RAPGEF1: variants seen among roughly 807,000 people sequenced by gnomAD.
RAPGEF1 encodes the protein Rap guanine nucleotide exchange factor 1.
RAPGEF1 carries 33 observed loss-of-function variants against 143.3 expected under a neutral mutation model. The ratio of observed to expected loss-of-function variants is 0.23; its 90% CI spans 0.17 to 0.31. The LOEUF (loss-of-function observed/expected upper bound fraction) is 0.31, where lower values mean the gene tolerates loss of function less well. Among genes scored for constraint, RAPGEF1 ranks in the 10% least tolerant of loss-of-function variants. The pLI, the probability that RAPGEF1 is intolerant of heterozygous loss-of-function variation, is 1.00. For missense variants in RAPGEF1, 1,199 were observed against 1,645.4 expected (o/e 0.73, Z 4.69); for synonymous variants, 629 against 676.5 (o/e 0.93, Z 1.09).
At chr9:131,673,606 T>C (rs139946319) in intron 1 of RAPGEF1, among the ~76,000 whole-genome samples, 404 of 152,344 alleles carry the variant, frequency 2.7e-3, no homozygotes, top group African/African-American at 9.3e-3. Flanking sequence ...CTGAGGACCC[T>C]GTGACCCAAA....
chr9:131,585,124 A>C (rs1391226687), intron 22 of RAPGEF1, among the ~76,000 whole-genome samples: 1 of 152,134 alleles, frequency 6.6e-6, no homozygotes, highest in Non-Finnish European at 1.5e-5. Flanking sequence ...CCCTGGCCTC[A>C]ATTTCCTGTG....
chr9:131,662,406 G>C (rs1371331257), intron 1 of RAPGEF1, among the ~76,000 whole-genome samples: 1 of 152,082 alleles, frequency 6.6e-6, no homozygotes, highest in Non-Finnish European at 1.5e-5. Context: ...TTTGAGACAG[G>C]GTCTTGCTCT....
Position 131,619,128 on chromosome 9 carries a change from C to T in RAPGEF1, c.1984G>A (p.Gly662Ser), listed in dbSNP as rs1959910316. Residue 662 changes from glycine (G) to serine (S), a missense_variant, in exon 12 of 27, where the codon GGC (glycine) becomes AGC (serine). Gly to Ser is a moderately conservative substitution (Grantham distance 56). This residue lies in a region of RAPGEF1 where 293 missense variants were observed against 356.2 expected (regional missense o/e 0.82). Transcript: ENST00000683357. ...QTKVAFTPED[G>S]SAAQGLSVSV... ...ACACTGAGGCCCTGAGCGGCACTGC[C>T]GTCCTCGGGGGTGAAGGCCACTTTA... is the stretch of plus-strand genomic sequence containing the variant. 5.2e-6 allele frequency: 7 copies of T among 1,337,408 alleles called. No homozygotes were observed. The highest frequency in any genetic ancestry group is 4.9e-5 in the East Asian group (1 of 20,318). 82.8% of individuals were successfully genotyped at this position (1,337,408 alleles called of 1,614,324 possible).
At chr9:131,658,940 A>T (rs1340075942) in intron 1 of RAPGEF1, among the ~76,000 whole-genome samples, 1 of 152,150 alleles carries the variant, frequency 6.6e-6, no homozygotes, top group Non-Finnish European at 1.5e-5. Context: ...GTCTCAACTT[A>T]ATCTCTCACC....
chr9:131,617,393 T>C (rs1233595017), intron 12 of RAPGEF1, among the ~76,000 whole-genome samples: 3 of 152,242 alleles, frequency 2.0e-5, no homozygotes, highest in South Asian at 2.1e-4. Flanking sequence ...TCAGTACCCA[T>C]TGGGAGAATG....
chr9:131,608,252 G>A (rs951798669), intron 12 of RAPGEF1, among the ~76,000 whole-genome samples: 1 of 152,182 alleles, frequency 6.6e-6, no homozygotes, highest in African/African-American at 2.4e-5. Context: ...AGCAGCAGCC[G>A]TCCTCTCCTG....
intron 1 of RAPGEF1, among the ~76,000 whole-genome samples, chr9:131,651,643 A>G (rs375883933): frequency 6.6e-6 from 1 of 152,394 alleles, no homozygotes; most frequent in East Asian, 1.9e-4. Flanking sequence ...ACAAAATAAA[A>G]AAATAGAAAA....
At chr9:131,704,767 T>TGAAAG (rs1157812688) in intron 1 of RAPGEF1, among the ~76,000 whole-genome samples, 1 of 151,202 alleles carries the variant, frequency 6.6e-6, no homozygotes, top group African/African-American at 2.4e-5. Flanking sequence ...AAGGAAGGAA[T>TGAAAG]GAAAGGAAAG....
chr9:131,636,621 C>T (rs1326608014), intron 5 of RAPGEF1, among the ~76,000 whole-genome samples: 2 of 152,114 alleles, frequency 1.3e-5, no homozygotes, highest in East Asian at 1.9e-4. Flanking sequence ...AGAATCAATT[C>T]GATAGAAGGA....
rs370661801 is a variant in RAPGEF1, at chr9:131,661,462, T to C, written c.62-10513A>G. On this transcript the variant is annotated intron_variant, in intron 1 of 26. Coordinates refer to ENST00000683357, the MANE Select transcript of RAPGEF1 (RefSeq NM_001377935.1). ...TTAACTGGCAGGTGACATGAAGCAG[T>C]GGGCTTCTGAGGTGACGGTTATGGC... 1.8e-4 allele frequency among the ~76,000 whole-genome samples: 27 copies of C among 152,272 alleles called. 1 individual carries two copies. In the East Asian group the frequency reaches 3.7e-3, roughly 21 times the overall value.
chr9:131,673,850 CCT>C (rs1366011536), intron 1 of RAPGEF1, among the ~76,000 whole-genome samples: 2 of 152,194 alleles, frequency 1.3e-5, no homozygotes, highest in Non-Finnish European at 2.9e-5. Flanking sequence ...CTCATCGTGG[CCT>C]CTGTTTCCTA....
At chr9:131,696,335 G>A (rs1478731653) in intron 1 of RAPGEF1, among the ~76,000 whole-genome samples, 1 of 152,136 alleles carries the variant, frequency 6.6e-6, no homozygotes, top group Non-Finnish European at 1.5e-5. Context: ...TTTTTTAAGG[G>A]CCCAGAGCTA....
intron 1 of RAPGEF1, among the ~76,000 whole-genome samples, chr9:131,731,591 A>G (rs2131339211): frequency 6.6e-6 from 1 of 152,300 alleles, no homozygotes; most frequent in Admixed American, 6.5e-5. Context: ...GTTTTTAACA[A>G]TACAGTGTGT....
intron 15 of RAPGEF1, among the ~76,000 whole-genome samples, chr9:131,601,076 G>A (rs144311585): frequency 0.02 from 3,012 of 151,938 alleles, 100 homozygotes; most frequent in African/African-American, 0.067. Flanking sequence ...GGAAGCTGAG[G>A]CGGGAGAATC....
chr9:131,697,491 G>C (rs1268433436), intron 1 of RAPGEF1, among the ~76,000 whole-genome samples: 1 of 152,264 alleles, frequency 6.6e-6, no homozygotes, highest in Non-Finnish European at 1.5e-5. Context: ...CTTGAATTAG[G>C]AGAGGGCAGA....
chr9:131,666,633 C>T (rs552178359), intron 1 of RAPGEF1, among the ~76,000 whole-genome samples: 3 of 152,252 alleles, frequency 2.0e-5, no homozygotes, highest in Admixed American at 1.3e-4. Flanking sequence ...TATCTGCCCA[C>T]CTCAGCCTCC....
At chr9:131,680,674 T>C (rs1426783477) in intron 1 of RAPGEF1, among the ~76,000 whole-genome samples, 1 of 152,244 alleles carries the variant, frequency 6.6e-6, no homozygotes, top group Non-Finnish European at 1.5e-5. Flanking sequence ...CCATAAGGGA[T>C]ACCTTTAGCT....
At chr9:131,719,884 TTC>T (rs1353930431) in intron 1 of RAPGEF1, among the ~76,000 whole-genome samples, 20 of 139,362 alleles carry the variant, frequency 1.4e-4, no homozygotes, top group African/African-American at 5.6e-4. Context: ...TTTTCTTTCT[TTC>T]TTTTTTTTTT....
chr9:131,580,176 C>T, intron 26 of RAPGEF1, 87 bp downstream of exon 26: 1 of 1,538,520 alleles, frequency 6.5e-7, no homozygotes, highest in East Asian at 2.3e-5. Context: ...CTGTGGCTCC[C>T]CCTCCCCTCG....
Sources: allele counts gnomAD v4.1 joint callset (sites outside exome capture counted in the v4.1 genomes callset), GRCh38; gene constraint gnomAD v4.1.1; regional missense constraint gnomAD v4.1.1; transcripts MANE v1.5; gene names NCBI Gene and HGNC (gene_info 2026-07-23, HGNC 2026-07-21).